Variants in PHF11 observed in about 807,000 individuals in gnomAD.
PHF11 encodes BRCA1 C-terminus-associated protein.
In PHF11, 38 loss-of-function variants were observed where a neutral mutation model predicts 40.5. That is an observed-to-expected ratio of 0.94 (90% CI 0.72 to 1.23). PHF11 has a LOEUF of 1.23. Ranked by LOEUF, PHF11 falls within the 50% of genes most tolerant of loss-of-function variation. PHF11 has a pLI of 0.00. For missense variants in PHF11, 369 were observed against 392.4 expected (o/e 0.94, Z 0.50); for synonymous variants, 127 against 138.2 (o/e 0.92, Z 0.57).
intron 9 of PHF11, 41 bp from the exon 10 acceptor site, chr13:49,528,470 T>C (rs1566200339): frequency 7.3e-7 from 1 of 1,378,738 alleles, no homozygotes; most frequent in Non-Finnish European, 1.0e-6. Context: ...CTAATAAAAC[T>C]ACTGAATAAG....
intron 8 of PHF11, among the ~76,000 whole-genome samples, chr13:49,525,323 T>C (rs910794621): frequency 2.6e-5 from 4 of 152,148 alleles, no homozygotes; most frequent in Admixed American, 6.5e-5. Flanking sequence ...TCTCAGCTCA[T>C]TGCAACCTCT....
chr13:49,524,269 TTTAAA>T, intron 8 of PHF11, 53 bp downstream of exon 8: 20 of 1,361,670 alleles, frequency 1.5e-5, no homozygotes, highest in Non-Finnish European at 2.0e-5. Context: ...CAGATCTAGA[TTTAAA>T]ACAAAACAAA....
intron 1 of PHF11, among the ~76,000 whole-genome samples, chr13:49,500,136 T>G (rs905127139): frequency 1.3e-5 from 2 of 152,232 alleles, no homozygotes; most frequent in African/African-American, 4.8e-5. Flanking sequence ...GGTTTCATTC[T>G]GTATAAACTT....
Position 49,518,074 on chromosome 13 carries a change from T to C in PHF11, c.381T>C (p.Cys127=), listed in dbSNP as rs773407082. The change falls in exon 4 of 10, where the codon TGT becomes TGC. Residue 127 remains cysteine, a synonymous_variant. Coordinates refer to ENST00000378319, the MANE Select transcript of PHF11 (RefSeq NM_001040443.3). ...GATVGCDLKN[C]NKNYHFFCAK... ...CCGTGGGATGTGATTTAAAAAACTG[T>C]AACAAGAATTACCACTTTTTCTGTG... 6.3e-7 allele frequency: 1 copy of C among 1,597,684 alleles called. No homozygotes were observed. The highest frequency in any genetic ancestry group is 1.1e-5 in the South Asian group (1 of 90,224).
chr13:49,496,200 C>A (rs1958803597), intron 1 of PHF11, 105 bp downstream of exon 1: 1 of 728,976 alleles, frequency 1.4e-6, no homozygotes, highest in Non-Finnish European at 1.9e-6. Flanking sequence ...CCCGACCTGC[C>A]CCTACTCCGG....
intron 1 of PHF11, among the ~76,000 whole-genome samples, chr13:49,499,928 G>A (rs1958876944): frequency 6.6e-6 from 1 of 152,110 alleles, no homozygotes; most frequent in Admixed American, 6.5e-5. Context: ...TGTGTTCCTT[G>A]ACCACGCTTC....
At chr13:49,516,028 C>T (rs938385284) in intron 3 of PHF11, among the ~76,000 whole-genome samples, 1 of 152,076 alleles carries the variant, frequency 6.6e-6, no homozygotes, top group Non-Finnish European at 1.5e-5. Context: ...GACCCAAGGC[C>T]CTCTGCTTAG....
At chr13:49,497,227 G>C (rs1255796578) in intron 1 of PHF11, 2 of 1,281,884 alleles carry the variant, frequency 1.6e-6, no homozygotes, top group African/African-American at 3.0e-5. Flanking sequence ...GGTAAGTCAC[G>C]GGAGATGCGC....
intron 1 of PHF11, among the ~76,000 whole-genome samples, chr13:49,498,410 C>G (rs929419378): frequency 7.6e-6 from 1 of 130,848 alleles, no homozygotes; most frequent in Admixed American, 7.1e-5. Flanking sequence ...TAACCTAGTA[C>G]ATTTCCGGTA....
At chr13:49,524,926 G>T (rs147060141) in intron 8 of PHF11, among the ~76,000 whole-genome samples, 18 of 152,228 alleles carry the variant, frequency 1.2e-4, no homozygotes, top group African/African-American at 4.3e-4. Context: ...TGTCTAACAG[G>T]TTGGCCACTA....
chr13:49,508,217 T>C (rs1959033898), intron 2 of PHF11, among the ~76,000 whole-genome samples: 1 of 147,616 alleles, frequency 6.8e-6, no homozygotes, highest in South Asian at 2.1e-4. Context: ...ATGTGTTATG[T>C]ATTAATATAT....
At chr13:49,516,974 A>G (rs189492828) in intron 3 of PHF11, among the ~76,000 whole-genome samples, 188 of 151,810 alleles carry the variant, frequency 1.2e-3, no homozygotes, top group African/African-American at 4.1e-3. Flanking sequence ...TCTTTCTCCT[A>G]TATTTCCTAA....
chr13:49,504,702 G>T (rs569461707), intron 1 of PHF11, among the ~76,000 whole-genome samples: 1 of 151,968 alleles, frequency 6.6e-6, no homozygotes, highest in African/African-American at 2.4e-5. Flanking sequence ...CCACCACCCC[G>T]TCTGGGAGGT....
chr13:49,528,878 GTAAA>G lies in PHF11; in HGVS notation c.*215_*218del. 2.3e-6 allele frequency: 1 copy of G among 440,510 alleles called. No homozygotes were observed. Among genetic ancestry groups the G allele is most frequent in the Non-Finnish European group, 4.0e-6 (1 of 249,290 alleles). 27.3% of individuals were successfully genotyped at this position (440,510 alleles called of 1,614,324 possible). ...ACATTCCCAGCACCTAGTATGCTCA[GTAAA>G]TGTTTGTGGAATAAGTGCATAAAAT... On this transcript the variant is annotated 3_prime_UTR_variant, in exon 10 of 10. Transcript: ENST00000378319.
intron 4 of PHF11, among the ~76,000 whole-genome samples, chr13:49,519,447 A>AT (rs1206712365): frequency 6.6e-6 from 1 of 152,146 alleles, no homozygotes; most frequent in African/African-American, 2.4e-5. Context: ...GGACTCAATA[A>AT]AACAGTCTTC....
At chr13:49,515,666 A>G (rs140212460) in intron 3 of PHF11, among the ~76,000 whole-genome samples, 2 of 152,166 alleles carry the variant, frequency 1.3e-5, no homozygotes, top group Non-Finnish European at 2.9e-5. Flanking sequence ...CACTTCTCTC[A>G]GCGTCAGTAA....
intron 1 of PHF11, among the ~76,000 whole-genome samples, chr13:49,499,333 T>A (rs951319810): frequency 1.3e-5 from 2 of 152,028 alleles, no homozygotes; most frequent in Non-Finnish European, 2.9e-5. Flanking sequence ...CTGCTGGGGG[T>A]CATTGTGTAC....
chr13:49,506,995 C>T (rs1410354851), intron 2 of PHF11, among the ~76,000 whole-genome samples: 3 of 149,876 alleles, frequency 2.0e-5, no homozygotes, highest in African/African-American at 7.4e-5. Context: ...GCTCCGCTTC[C>T]CGGGTTCACG....
intron 1 of PHF11, among the ~76,000 whole-genome samples, chr13:49,505,272 G>GGGAC (rs1424162700): frequency 6.6e-6 from 1 of 151,856 alleles, no homozygotes; most frequent in Non-Finnish European, 1.5e-5. Context: ...TGGGAAGCTG[G>GGGAC]GGACTGTTAA....
Sources: gnomAD v4.1 joint callset for allele counts (sites outside exome capture counted in the v4.1 genomes callset) on GRCh38, gnomAD v4.1.1 for gene constraint, MANE v1.5 for transcripts, NCBI Gene and HGNC (gene_info 2026-07-23, HGNC 2026-07-21) for gene names.